The following APBB2 variants were observed in gnomAD, a reference collection of about 807,000 sequenced individuals.
The protein encoded by APBB2 is amyloid beta precursor protein binding family B member 2.
In APBB2, 38 loss-of-function variants were observed where a neutral mutation model predicts 82.5. The ratio of observed to expected loss-of-function variants is 0.46; its 90% confidence interval spans 0.36 to 0.60. The LOEUF is 0.60. APBB2 is among the 20% of genes least tolerant of loss of function. APBB2 has a pLI of 0.00. For synonymous variants in APBB2, 341 were observed against 368.2 expected, an observed-to-expected ratio of 0.93 and a Z score of 0.85; for missense variants, 772 against 972.3, an observed-to-expected ratio of 0.79 and a Z score of 2.74.
Position 40,945,050 on chromosome 4 carries a change from A to G in APBB2, c.859T>C (p.Phe287Leu), listed in dbSNP as rs755406924. 7.6e-7 allele frequency: 1 copy of G among 1,314,678 alleles called. No individual in the cohort carries two copies. The highest frequency in any genetic ancestry group is 1.0e-6 in the Non-Finnish European group (1 of 967,442). The allele number at this position is 1,314,678 out of a possible 1,614,324, so 81.4% of individuals were successfully genotyped here. ...GGCGGCAAATCTGGATCAGTCTGAA[A>G]TGAGTGATCACTCCATATATCTGCT... ...ETADIWSDHS[F>L]QTDPDLPPGW... Residue 287 changes from phenylalanine to leucine, a missense_variant, in exon 7 of 18, where the codon TTT (phenylalanine) becomes CTT (leucine). Transcript: ENST00000508593.
chr4:41,202,719 C>T (rs571101374), intron 1 of APBB2, among the ~76,000 whole-genome samples: 3 of 152,316 alleles, frequency 2.0e-5, no homozygotes, highest in Admixed American at 6.5e-5. Context: ...AAGGTCAATA[C>T]TAACGTAAAA....
chr4:41,093,137 A>C (rs557073020), intron 3 of APBB2, among the ~76,000 whole-genome samples: 1 of 152,348 alleles, frequency 6.6e-6, no homozygotes, highest in African/African-American at 2.4e-5. Context: ...AAGAAACCCC[A>C]GAGTTTTTCA....
intron 1 of APBB2, among the ~76,000 whole-genome samples, chr4:41,171,426 T>G (rs188467993): frequency 6.7e-6 from 1 of 148,512 alleles, no homozygotes; most frequent in Admixed American, 6.7e-5. Context: ...AAAAAAAAAA[T>G]GCAGTCTTCT....
At chr4:41,091,953 T>A (rs778972985) in intron 3 of APBB2, among the ~76,000 whole-genome samples, 11 of 152,196 alleles carry the variant, frequency 7.2e-5, no homozygotes, top group Admixed American at 1.3e-4. Flanking sequence ...TTTGCAAGGT[T>A]TTCTGGTATT....
intron 15 of APBB2, among the ~76,000 whole-genome samples, chr4:40,824,822 C>T (rs1191383701): frequency 6.6e-6 from 1 of 152,134 alleles, no homozygotes; most frequent in African/African-American, 2.4e-5. Flanking sequence ...AGTTTCATCA[C>T]CCCAAAGAGA....
chr4:40,874,785 TTTC>T lies in APBB2; in HGVS notation c.1529+15576_1529+15578del, dbSNP rs1355122532. Among the ~76,000 whole-genome samples, 13 of 152,292 alleles carry T rather than the reference TTTC, an allele frequency of 8.5e-5. No individual in the cohort carries two copies. In the East Asian group the frequency reaches 2.3e-3, roughly 27 times the overall value. On this transcript the variant is annotated intron_variant, in intron 12 of 17. Transcript: ENST00000508593. ...TGAGAATAGAACATTGCATACAGTG[TTTC>T]CCAAAATTATGTGAGTGTGGAATCT...
chr4:40,864,907 G>A (rs953539194), intron 12 of APBB2, among the ~76,000 whole-genome samples: 4 of 151,024 alleles, frequency 2.6e-5, no homozygotes, highest in African/African-American at 9.8e-5. Flanking sequence ...CACCCAGGCT[G>A]GAGGGTAGTA....
chr4:41,135,475 A>G (rs1354953417), intron 2 of APBB2, among the ~76,000 whole-genome samples: 3 of 152,220 alleles, frequency 2.0e-5, no homozygotes, highest in African/African-American at 4.8e-5. Context: ...ATTTGAATAG[A>G]TAATAATCAA....
chr4:41,202,807 T>C (rs573199546), intron 1 of APBB2, among the ~76,000 whole-genome samples: 2 of 152,340 alleles, frequency 1.3e-5, no homozygotes, highest in South Asian at 2.1e-4. Context: ...GTTTCGCTGA[T>C]ATAAAGAAAT....
chr4:41,061,095 GA>G (rs1729666315), intron 4 of APBB2, among the ~76,000 whole-genome samples: 1 of 152,290 alleles, frequency 6.6e-6, no homozygotes, highest in African/African-American at 2.4e-5. Context: ...TACTATGCAT[GA>G]GTTAAGTTTG....
chr4:40,845,183 G>A (rs182685816), intron 12 of APBB2, among the ~76,000 whole-genome samples: 4 of 152,318 alleles, frequency 2.6e-5, no homozygotes, highest in East Asian at 3.9e-4. Context: ...ATAAGACACC[G>A]CAGAGTGATA....
intron 2 of APBB2, among the ~76,000 whole-genome samples, chr4:41,132,392 A>G (rs1428247692): frequency 3.3e-5 from 5 of 152,212 alleles, no homozygotes; most frequent in Non-Finnish European, 5.9e-5. Flanking sequence ...CTGGACACAG[A>G]AGTCAAAAGA....
chr4:40,975,048 G>A (rs557510529), intron 6 of APBB2, among the ~76,000 whole-genome samples: 10 of 152,250 alleles, frequency 6.6e-5, no homozygotes, highest in African/African-American at 1.7e-4. Context: ...TGTCCTTTCA[G>A]CATTTAGGGT....
At chr4:40,893,513 G>A in intron 10 of APBB2, 102 bp from the exon 11 acceptor site, 1 of 1,106,164 alleles carries the variant, frequency 9.0e-7, no homozygotes, top group Non-Finnish European at 1.2e-6. Context: ...TACACTTAAT[G>A]CACCTTTATT....
intron 1 of APBB2, among the ~76,000 whole-genome samples, chr4:41,203,205 C>A (rs1357516995): frequency 6.6e-6 from 1 of 151,670 alleles, no homozygotes; most frequent in African/African-American, 2.4e-5. Flanking sequence ...AAAAGATACA[C>A]ATATACACAC....
chr4:41,040,178 C>T (rs143935505), intron 4 of APBB2, among the ~76,000 whole-genome samples: 64 of 152,154 alleles, frequency 4.2e-4, no homozygotes, highest in Non-Finnish European at 7.5e-4. Flanking sequence ...AAAAAACTGT[C>T]GGCAGATGCT....
chr4:41,153,115 G>T (rs1029393152), intron 1 of APBB2, among the ~76,000 whole-genome samples: 2 of 152,118 alleles, frequency 1.3e-5, no homozygotes, highest in Non-Finnish European at 1.5e-5. Flanking sequence ...TAGATTTTCA[G>T]ATTAGGGATG....
chr4:40,881,216 T>C, intron 12 of APBB2: 45 of 985,322 alleles, frequency 4.6e-5, no homozygotes, highest in Non-Finnish European at 5.4e-5. Flanking sequence ...AAGACAATAC[T>C]ATAGTGTAGG....
intron 10 of APBB2, among the ~76,000 whole-genome samples, chr4:40,905,985 C>T (rs138520318): frequency 5.5e-4 from 83 of 152,154 alleles, no homozygotes; most frequent in African/African-American, 1.9e-3. Context: ...GGGAGGGTGC[C>T]ACTGTCCTGG....
Sources: allele counts gnomAD v4.1 joint callset (sites outside exome capture counted in the v4.1 genomes callset), GRCh38; gene constraint gnomAD v4.1.1; transcripts MANE v1.5; gene names NCBI Gene and HGNC (gene_info 2026-07-23, HGNC 2026-07-21).